Variants in MACF1 observed in about 807,000 individuals in gnomAD.
MACF1 encodes microtubule-actin cross-linking factor 1.
A neutral mutation model predicts 854.8 loss-of-function variants in MACF1; 193 were observed. The ratio of observed to expected loss-of-function variants is 0.23; its 90% CI spans 0.20 to 0.25. The LOEUF is 0.25. Among genes scored for constraint, MACF1 ranks in the 10% least tolerant of loss-of-function variants. MACF1 has a pLI of 1.00. For missense variants in MACF1, 7,722 were observed against 8,929.1 expected (o/e 0.86, Z 5.45); for synonymous variants, 3,185 against 3,226.7 (o/e 0.99, Z 0.44).
intron 2 of MACF1, among the ~76,000 whole-genome samples, chr1:39,089,250 G>A (rs1403089475): frequency 6.6e-6 from 1 of 152,100 alleles, no homozygotes; most frequent in Non-Finnish European, 1.5e-5. Context: ...CCCCGTATGT[G>A]TTGTGAAAAA....
At chr1:39,269,590 G>C (rs1226743801) in intron 6 of MACF1, 53 of 1,289,682 alleles carry the variant, frequency 4.1e-5, no homozygotes, top group Non-Finnish European at 5.2e-5. Context: ...GGCTATGGCA[G>C]TGATGGGCCA....
At chr1:39,404,340 GCA>G (rs1642607561) in intron 58 of MACF1, among the ~76,000 whole-genome samples, 1 of 151,642 alleles carries the variant, frequency 6.6e-6, no homozygotes, top group South Asian at 2.1e-4. Flanking sequence ...GCATGGTGGT[GCA>G]CACCTGTCAT....
In MACF1 at chr1:39,440,111, CTTT is replaced by C. The variant is rs774399403; in HGVS notation, c.18447+627_18447+629del. Among the ~76,000 whole-genome samples, 55 of 64,514 alleles carry C rather than the reference CTTT, an allele frequency of 8.5e-4. 1 individual carries two copies. The South Asian group carries it at 0.019, about 23-fold the overall frequency. 42.3% of individuals were successfully genotyped at this position (64,514 alleles called of 152,430 possible). On this transcript the variant is annotated intron_variant, in intron 72 of 100. Transcript: ENST00000564288. ...CTTTTCTTTTCTTTTCTTTTCTTTT[CTTT>C]TTTTTTTTTTTTTTTGGAGACAGGG...
chr1:39,251,973 C>G (rs1225035523), intron 4 of MACF1, 32 bp downstream of exon 4: 7 of 1,384,486 alleles, frequency 5.1e-6, no homozygotes, highest in Middle Eastern at 2.2e-4. Flanking sequence ...AGCATCCCAG[C>G]TGGCACTGCT....
chr1:39,417,356 C>A lies in MACF1; in HGVS notation c.15817-5018C>A, dbSNP rs542062487. 2.0e-5 allele frequency among the ~76,000 whole-genome samples: 3 copies of A among 152,196 alleles called. No individual in the cohort carries two copies. The South Asian group carries it at 6.2e-4, about 32-fold the overall frequency. ...CCACTGGTTCAAAGGAAGAAAAAAA[C>A]CTTTTGTATAAAATAAGGGTTCTAT... On this transcript the variant is annotated intron_variant, in intron 58 of 100. Coordinates refer to ENST00000564288, the MANE Select transcript of MACF1 (RefSeq NM_001394062.1).
intron 97 of MACF1, among the ~76,000 whole-genome samples, chr1:39,476,249 C>A (rs1306028452): frequency 1.3e-5 from 2 of 152,106 alleles, no homozygotes; most frequent in Non-Finnish European, 1.5e-5. Context: ...AGGTATGCAT[C>A]CTTTCTCCCC....
At chr1:39,209,934 A>G (rs1644496342) in intron 1 of MACF1, among the ~76,000 whole-genome samples, 1 of 151,946 alleles carries the variant, frequency 6.6e-6, no homozygotes, top group Non-Finnish European at 1.5e-5. Context: ...ACCAAAAAAT[A>G]AAAAAATTAG....
chr1:39,337,455 C>A, intron 38 of MACF1, 124 bp downstream of exon 38: 1 of 883,830 alleles, frequency 1.1e-6, no homozygotes, highest in Non-Finnish European at 1.6e-6. Context: ...AATCTCAGAC[C>A]CTTGTCAGAT....
intron 97 of MACF1, among the ~76,000 whole-genome samples, chr1:39,470,624 CAACA>C (rs1644758028): frequency 4.6e-5 from 7 of 152,100 alleles, no homozygotes; most frequent in Non-Finnish European, 1.0e-4. Flanking sequence ...CCAGCCTGGG[CAACA>C]AGGCAAGACT....
chr1:39,418,024 A>T (rs999010915), intron 58 of MACF1, among the ~76,000 whole-genome samples: 1 of 152,188 alleles, frequency 6.6e-6, no homozygotes, highest in Non-Finnish European at 1.5e-5. Flanking sequence ...TATAAAATAA[A>T]TACATAGTTA....
intron 99 of MACF1, among the ~76,000 whole-genome samples, chr1:39,482,171 T>C (rs1310564512): frequency 6.6e-6 from 1 of 152,238 alleles, no homozygotes; most frequent in East Asian, 1.9e-4. Context: ...TCCTTACTTA[T>C]TGGTGTTCTG....
chr1:39,248,843 C>A (rs1645010412), intron 2 of MACF1, among the ~76,000 whole-genome samples: 1 of 152,066 alleles, frequency 6.6e-6, no homozygotes, highest in Non-Finnish European at 1.5e-5. Flanking sequence ...ATCCTCCCAC[C>A]TCAGCCTCCT....
At chr1:39,465,160 G>T (rs1349536940) in intron 95 of MACF1, 48 bp downstream of exon 95, 1 of 1,579,966 alleles carries the variant, frequency 6.3e-7, no homozygotes, top group Non-Finnish European at 8.7e-7. Flanking sequence ...TATGGTCTGT[G>T]TAGCTAATGC....
chr1:39,117,395 C>T (rs1413998334), intron 2 of MACF1, among the ~76,000 whole-genome samples: 1 of 152,118 alleles, frequency 6.6e-6, no homozygotes, highest in Non-Finnish European at 1.5e-5. Context: ...TTTTGTGAAG[C>T]TGGACTCTTA....
intron 58 of MACF1, chr1:39,412,774 A>T (rs1463347770): frequency 9.3e-6 from 15 of 1,612,782 alleles, no homozygotes; most frequent in Admixed American, 1.7e-5. Flanking sequence ...ACCTTCCCGG[A>T]CTGCTGCAGT....
At chr1:39,415,277 A>G (rs1322776186) in intron 58 of MACF1, among the ~76,000 whole-genome samples, 1 of 151,728 alleles carries the variant, frequency 6.6e-6, no homozygotes, top group Non-Finnish European at 1.5e-5. Flanking sequence ...TCATTATAAA[A>G]CAAGAAAATT....
chr1:39,175,021 G>A (rs1359321124), intron 2 of MACF1, among the ~76,000 whole-genome samples: 1 of 152,154 alleles, frequency 6.6e-6, no homozygotes, highest in East Asian at 1.9e-4. Context: ...TGCTGGGAGT[G>A]GCTAAGGAAG....
At chr1:39,481,864 C>T (rs1320499763) in intron 99 of MACF1, among the ~76,000 whole-genome samples, 1 of 152,118 alleles carries the variant, frequency 6.6e-6, no homozygotes, top group South Asian at 2.1e-4. Flanking sequence ...AAGTCAATGG[C>T]TATGAATGAG....
chr1:39,407,281 C>T (rs180732259), intron 58 of MACF1, among the ~76,000 whole-genome samples: 108 of 152,294 alleles, frequency 7.1e-4, no homozygotes, highest in African/African-American at 2.5e-3. Flanking sequence ...CTTCCTCCCA[C>T]GTCTCAGCCC....
Sources: allele counts gnomAD v4.1 joint callset (sites outside exome capture counted in the v4.1 genomes callset), GRCh38; gene constraint gnomAD v4.1.1; transcripts MANE v1.5; gene names NCBI Gene and HGNC (gene_info 2026-07-23, HGNC 2026-07-21).